The following NSMAF variants were observed in gnomAD, a reference collection of about 807,000 sequenced individuals.
NSMAF encodes protein FAN.
Under a neutral mutation model 134.9 loss-of-function variants are expected in NSMAF, and 90 were observed. The observed-to-expected ratio is 0.67, with a 90% CI of 0.56 to 0.79. The LOEUF is 0.79. Ranked by LOEUF, NSMAF falls within the 30% of genes least tolerant of loss-of-function variation. The pLI, the probability that NSMAF is intolerant of heterozygous loss-of-function variation, is 0.00. For synonymous variants in NSMAF, 358 were observed against 389.6 expected (o/e 0.92, Z 0.96); for missense variants, 1,010 against 1,119.0 (o/e 0.90, Z 1.39).
chr8:58,590,149 C>T, intron 24 of NSMAF, 75 bp from the exon 25 acceptor site: 2 of 1,312,582 alleles, frequency 1.5e-6, no homozygotes, highest in South Asian at 1.2e-5. Flanking sequence ...CTATCTTATA[C>T]ATTTCCGAAA....
intron 1 of NSMAF, among the ~76,000 whole-genome samples, chr8:58,645,703 AAAG>A (rs753977085): frequency 1.4e-3 from 209 of 152,284 alleles, no homozygotes; most frequent in African/African-American, 4.4e-3. Flanking sequence ...ATATCCCTAC[AAAG>A]AAGAAGTTAT....
At chr8:58,637,976 T>G (rs1807241417) in intron 2 of NSMAF, among the ~76,000 whole-genome samples, 1 of 152,200 alleles carries the variant, frequency 6.6e-6, no homozygotes, top group African/African-American at 2.4e-5. Flanking sequence ...CCAATGGCAT[T>G]TTTAACAGAA....
At chr8:58,601,235 T>A (rs1415262403) in intron 16 of NSMAF, 50 bp downstream of exon 16, 2 of 1,421,790 alleles carry the variant, frequency 1.4e-6, no homozygotes, top group South Asian at 2.3e-5. Context: ...ATGTTGTATA[T>A]ATACAATCAG....
chr8:58,616,781 G>T (rs1806665139), intron 9 of NSMAF, among the ~76,000 whole-genome samples: 1 of 152,102 alleles, frequency 6.6e-6, no homozygotes, highest in South Asian at 2.1e-4. Context: ...GGATTTCTGT[G>T]AAACTGTCAT....
chr8:58,621,083 C>T (rs1303274664), intron 9 of NSMAF, among the ~76,000 whole-genome samples: 1 of 151,882 alleles, frequency 6.6e-6, no homozygotes. Flanking sequence ...TTTTTCGATC[C>T]TCACCCTCCT....
rs747963623 is a variant in NSMAF at position 58,635,548 on chromosome 8, T to C, written c.150-2A>G. The C allele has an allele frequency of 3.2e-6, 5 of 1,584,958 alleles. No individual in the cohort carries two copies. The South Asian group carries it at 3.4e-5, about 11-fold the overall frequency. On this transcript the variant is annotated splice_acceptor_variant, in intron 2 of 30. Coordinates refer to ENST00000038176, the MANE Select transcript of NSMAF (RefSeq NM_003580.4). LOFTEE classifies it high-confidence loss of function. ...ATTTTTAAGGAGCCTCTGATTTTCC[T>C]AGGGATCCAAGTACAACAGATTGTT...
chr8:58,601,354 G>C lies in NSMAF; in HGVS notation c.1217-6C>G, dbSNP rs775073095. On this transcript the variant is annotated splice_region_variant and splice_polypyrimidine_tract_variant and intron_variant, in intron 15 of 30. Coordinates refer to ENST00000038176, the MANE Select transcript of NSMAF (RefSeq NM_003580.4). ...GCACAGCATATACTCTGGTGCTAGA[G>C]GGGAAAAAGTCAGAGGTAAGTCAGG... 6.2e-7 allele frequency: 1 copy of C among 1,613,720 alleles called. No homozygotes were observed. Among genetic ancestry groups the C allele is most frequent in the Non-Finnish European group, 8.5e-7 (1 of 1,179,752 alleles).
chr8:58,601,170 A>T, intron 16 of NSMAF, 115 bp downstream of exon 16: 1 of 851,590 alleles, frequency 1.2e-6, no homozygotes, highest in Non-Finnish European at 1.9e-6. Context: ...TAGAACAATT[A>T]GTGATTTTTT....
rs749552379 is a variant in NSMAF, at chr8:58,659,522, A to G, written c.59+51T>C. ...CAGATCTCCGGCCGGCGTCCCCACGACCGGCCCCGACTAGGCCCCCGGCTG... is the reference window on the plus strand; with the variant it reads ...CAGATCTCCGGCCGGCGTCCCCACGGCCGGCCCCGACTAGGCCCCCGGCTG... On this transcript the variant is annotated intron_variant, in intron 1 of 30. Coordinates refer to ENST00000038176, the MANE Select transcript of NSMAF (RefSeq NM_003580.4). The G allele has an allele frequency of 2.1e-6, 3 of 1,397,022 alleles. No homozygotes were observed. In the Admixed American group the frequency reaches 6.7e-5, roughly 31 times the overall value. The allele number at this position is 1,397,022 out of a possible 1,614,324, so 86.5% of individuals were successfully genotyped here.
chr8:58,595,992 CA>C (rs2129140219), intron 21 of NSMAF: 1 of 205,194 alleles, frequency 4.9e-6, no homozygotes, highest in Non-Finnish European at 1.0e-5. Context: ...AAAAACCTGA[CA>C]GTTGCCTAAG....
chr8:58,610,872 G>A (rs146130275), intron 9 of NSMAF, among the ~76,000 whole-genome samples: 160 of 152,298 alleles, frequency 1.1e-3, no homozygotes, highest in Middle Eastern at 6.8e-3. Context: ...CCCAAGTCCT[G>A]TGGAAGAGAA....
chr8:58,597,500 A>C lies in NSMAF; in HGVS notation c.1679T>G (p.Phe560Cys), dbSNP rs1421895617. ...AAATAGTTGTTTTGGTGTCTGCCCA[A>C]ATTCCAAGATTTGCGTAAGCATGGC... is the stretch of plus-strand genomic sequence containing the variant. ...KVAMLTQILE[F>C]GQTPKQLFVT... Residue 560 changes from phenylalanine (F) to cysteine (C), a missense_variant, in exon 21 of 31, where the codon TTT (phenylalanine) becomes TGT (cysteine). By Grantham distance (205) the Phe-to-Cys change is radical (BLOSUM62 -2). Transcript: ENST00000038176. 1.2e-6 allele frequency: 2 copies of C among 1,614,080 alleles called. No homozygotes were observed. The highest frequency in any genetic ancestry group is 2.7e-5 in the African/African-American group (2 of 74,932).
At position 58,584,250 on chromosome 8, in the gene NSMAF, A is replaced by G. The variant is rs1458900400; in HGVS notation, c.2660-50T>C. 5.3e-6 allele frequency: 7 copies of G among 1,327,486 alleles called. No homozygotes were observed. The South Asian group carries it at 8.4e-5, about 16-fold the overall frequency. The allele number at this position is 1,327,486 out of a possible 1,614,324, so 82.2% of individuals were successfully genotyped here. On this transcript the variant is annotated intron_variant, in intron 30 of 30. Coordinates refer to ENST00000038176, the MANE Select transcript of NSMAF (RefSeq NM_003580.4). ...TTAGGAAGTTGACCAGGAGGCACCC[A>G]AAGATAAACTTTACTCTGATGCTTA...
At chr8:58,659,081 C>A (rs1287794009) in intron 1 of NSMAF, 2 of 586,858 alleles carry the variant, frequency 3.4e-6, no homozygotes, top group South Asian at 2.3e-5. Context: ...AGTGGGTGGT[C>A]GCCGGCCTGC....
rs1475866732 is a variant in NSMAF, at chr8:58,599,237, T to G, written c.1580A>C (p.His527Pro). Residue 527 changes from histidine to proline, a missense_variant, in exon 19 of 31, where the codon CAT becomes CCT. By Grantham distance (77) the His-to-Pro change is moderately conservative. Transcript: ENST00000038176. ...TTTCAATGAATATTACATACCATTA[T>G]GGGCCCCAACTGCATCACTCCCTTT... ...KQKGSDAVGA[H>P]NVFHPLTYEG... is the part of the protein sequence containing the mutation. The G allele has an allele frequency of 1.2e-6, 2 of 1,613,048 alleles. No individual in the cohort carries two copies. Among genetic ancestry groups the G allele is most frequent in the African/African-American group, 1.3e-5 (1 of 74,898 alleles).
At chr8:58,591,099 C>CCTG in intron 23 of NSMAF, 165 bp from the exon 24 acceptor site, 1 of 664,192 alleles carries the variant, frequency 1.5e-6, no homozygotes, top group Non-Finnish European at 2.2e-6. Context: ...GACCTAAGGC[C>CCTG]TCATCCAACA....
chr8:58,637,682 G>T (rs754591361), intron 2 of NSMAF, among the ~76,000 whole-genome samples: 2 of 152,076 alleles, frequency 1.3e-5, no homozygotes, highest in African/African-American at 4.8e-5. Flanking sequence ...AAAAAACAGC[G>T]TTGCATTTCT....
chr8:58,623,035 C>A (rs1418485569), intron 9 of NSMAF, among the ~76,000 whole-genome samples, 185 bp downstream of exon 9: 1 of 152,114 alleles, frequency 6.6e-6, no homozygotes, highest in South Asian at 2.1e-4. Flanking sequence ...GACTGACAGA[C>A]ATCAGGATGG....
At chr8:58,588,157 C>T (rs1183327389) in intron 26 of NSMAF, among the ~76,000 whole-genome samples, 2 of 152,194 alleles carry the variant, frequency 1.3e-5, no homozygotes, top group Non-Finnish European at 2.9e-5. Context: ...CTTTCTTTTA[C>T]ACCAACACAA....
Sources: allele counts gnomAD v4.1 joint callset (sites outside exome capture counted in the v4.1 genomes callset), GRCh38; gene constraint gnomAD v4.1.1; transcripts MANE v1.5; gene names NCBI Gene and HGNC (gene_info 2026-07-23, HGNC 2026-07-21).